MICAL3: variants seen among roughly 807,000 people sequenced by gnomAD.
The protein encoded by MICAL3 is microtubule associated monooxygenase, calponin and LIM domain containing 3, also known as [F-actin]-monooxygenase MICAL3.
MICAL3 carries 62 observed loss-of-function variants against 207.4 expected under a neutral mutation model. The ratio of observed to expected loss-of-function variants is 0.30; its 90% CI spans 0.24 to 0.37. The LOEUF (loss-of-function observed/expected upper bound fraction) is 0.37. MICAL3 is among the 10% of genes least tolerant of loss of function. The pLI is 1.00. For missense variants in MICAL3, 2,368 were observed against 2,635.6 expected, an observed-to-expected ratio of 0.90 and a Z score of 2.22; for synonymous variants, 1,077 against 1,069.3, an observed-to-expected ratio of 1.01 and a Z score of -0.14.
At chr22:17,985,135 T>C (rs1447866425) in intron 1 of MICAL3, among the ~76,000 whole-genome samples, 3 of 152,198 alleles carry the variant, frequency 2.0e-5, no homozygotes, top group Admixed American at 6.5e-5. Context: ...GCATGCAATA[T>C]TGCAGGAAAG....
chr22:17,797,670 T>C (rs113676043), intron 29 of MICAL3, among the ~76,000 whole-genome samples: 3 of 152,192 alleles, frequency 2.0e-5, no homozygotes, highest in African/African-American at 4.8e-5. Context: ...GGCTTCTACA[T>C]GGATGCTGAT....
rs78120593 is a variant in MICAL3, at chr22:17,928,703, C to A, written c.-74-21817G>T. Among the ~76,000 whole-genome samples the A allele has an allele frequency of 4.0e-3, 616 of 152,276 alleles. 3 individuals are homozygous for A. The highest frequency in any genetic ancestry group is 5.5e-3 in the Non-Finnish European group (374 of 68,014). ...ACCAGAACACTTAGATGTTTCATACCGTGGCTTTATATATTGTGTTACATG... is the reference window on the plus strand; with the variant it reads ...ACCAGAACACTTAGATGTTTCATACAGTGGCTTTATATATTGTGTTACATG... On this transcript the variant is annotated intron_variant, in intron 1 of 31. Transcript: ENST00000441493.
intron 1 of MICAL3, among the ~76,000 whole-genome samples, chr22:17,990,333 C>T (rs759870891): frequency 3.9e-5 from 6 of 151,944 alleles, no homozygotes; most frequent in Non-Finnish European, 8.8e-5. Context: ...TAGTCTGGAC[C>T]CAGCATGCTC....
chr22:17,970,471 C>G (rs1436334466), intron 1 of MICAL3, among the ~76,000 whole-genome samples: 1 of 152,216 alleles, frequency 6.6e-6, no homozygotes, highest in East Asian at 1.9e-4. Context: ...GATAACAGAA[C>G]TCTGCAGTCA....
At chr22:17,932,171 A>C (rs986901447) in intron 1 of MICAL3, among the ~76,000 whole-genome samples, 2 of 152,186 alleles carry the variant, frequency 1.3e-5, no homozygotes, top group African/African-American at 4.8e-5. Context: ...CAAGACACAT[A>C]ATTGGCAGAT....
chr22:18,001,930 G>T lies in MICAL3; in HGVS notation c.-75+22351C>A, dbSNP rs537174699. On this transcript the variant is annotated intron_variant, in intron 1 of 31. Coordinates refer to ENST00000441493, the MANE Select transcript of MICAL3 (RefSeq NM_015241.3). Reference sequence around the variant, plus strand: ...GGGGACTTGTTGGCCGGGCGCGGTGGCTAACGCCTGTAATCCCAACACTTT... The same window carrying T: ...GGGGACTTGTTGGCCGGGCGCGGTGTCTAACGCCTGTAATCCCAACACTTT... Among the ~76,000 whole-genome samples, 3 of 152,346 alleles carry T rather than the reference G, an allele frequency of 2.0e-5. No homozygotes were observed. The South Asian group carries it at 6.2e-4, about 32-fold the overall frequency.
rs750739956 is a variant in MICAL3 at position 17,816,698 on chromosome 22, G to A, written c.5437C>T (p.Arg1813Trp). 2.9e-5 allele frequency: 45 copies of A among 1,552,498 alleles called. No homozygotes were observed. The highest frequency in any genetic ancestry group is 4.9e-5 in the East Asian group (2 of 41,044). ...DVLEKSSQKS[R>W]REPRTYTEEE... ...CCTGCCTGACTACCCACCTCTCGCC[G>A]GGACTTCTGTGAGGACTTCTCAAGG... Residue 1813 changes from arginine (R) to tryptophan (W), a missense_variant, in exon 27 of 32, where the codon CGG (arginine) becomes TGG (tryptophan). Arg to Trp is a moderately radical substitution (Grantham distance 101). This residue lies in a region of MICAL3 where 1,770 missense variants were observed against 1,863.2 expected (regional missense o/e 0.95). Transcript: ENST00000441493.
intron 19 of MICAL3, chr22:17,861,774 T>C: frequency 1.3e-5 from 13 of 985,258 alleles, no homozygotes; most frequent in Non-Finnish European, 1.6e-5. Flanking sequence ...GATTTCTATA[T>C]TAAAAGCACA....
At chr22:17,846,266 A>G (rs994771141) in intron 19 of MICAL3, among the ~76,000 whole-genome samples, 1 of 152,154 alleles carries the variant, frequency 6.6e-6, no homozygotes, top group Non-Finnish European at 1.5e-5. Context: ...CTGGCAGGCC[A>G]TTGCCGGGGG....
chr22:17,860,023 C>CT, intron 19 of MICAL3: 1 of 205,122 alleles, frequency 4.9e-6, no homozygotes, highest in Non-Finnish European at 8.6e-6. Context: ...TGCACCTCTG[C>CT]TGTCTTGCTG....
intron 1 of MICAL3, among the ~76,000 whole-genome samples, chr22:17,988,998 C>G (rs749268356): frequency 6.6e-6 from 1 of 152,142 alleles, no homozygotes; most frequent in Non-Finnish European, 1.5e-5. Flanking sequence ...TTTACAGAAA[C>G]AAATTTGCTG....
At chr22:17,989,883 G>A (rs1038815601) in intron 1 of MICAL3, among the ~76,000 whole-genome samples, 5 of 152,088 alleles carry the variant, frequency 3.3e-5, no homozygotes, top group East Asian at 1.9e-4. Flanking sequence ...TTGTTTTCCC[G>A]AATCACACCA....
At chr22:17,871,168 A>C (rs1927688295) in intron 17 of MICAL3, among the ~76,000 whole-genome samples, 1 of 152,206 alleles carries the variant, frequency 6.6e-6, no homozygotes, top group South Asian at 2.1e-4. Context: ...GATGGCGGCC[A>C]GCCTGCCTCT....
chr22:17,944,803 A>G (rs1933979153), intron 1 of MICAL3, among the ~76,000 whole-genome samples: 1 of 152,152 alleles, frequency 6.6e-6, no homozygotes, highest in Non-Finnish European at 1.5e-5. Context: ...TCCAACAGCT[A>G]TCTGAGGGTG....
intron 20 of MICAL3, among the ~76,000 whole-genome samples, chr22:17,833,264 T>G (rs552152672): frequency 2.0e-5 from 3 of 152,154 alleles, no homozygotes; most frequent in African/African-American, 7.2e-5. Flanking sequence ...TCTGAGTGTT[T>G]CGTGGTCTGA....
At chr22:17,963,054 C>T (rs1364599152) in intron 1 of MICAL3, among the ~76,000 whole-genome samples, 1 of 152,086 alleles carries the variant, frequency 6.6e-6, no homozygotes, top group Non-Finnish European at 1.5e-5. Context: ...ACCTAGCCAG[C>T]GAGAAACACT....
chr22:18,003,226 G>A (rs558662001), intron 1 of MICAL3, among the ~76,000 whole-genome samples: 1 of 151,472 alleles, frequency 6.6e-6, no homozygotes, highest in Non-Finnish European at 1.5e-5. Context: ...TTCAGCGACA[G>A]TATCAACCCC....
intron 1 of MICAL3, chr22:18,006,582 T>C (rs1923399867): frequency 6.6e-6 from 1 of 152,158 alleles, no homozygotes; most frequent in African/African-American, 2.4e-5. Context: ...GCCTCTAATC[T>C]CAGCAGTTTG....
At chr22:17,910,351 A>C (rs12485153) in intron 1 of MICAL3, among the ~76,000 whole-genome samples, 3,775 of 152,304 alleles carry the variant, frequency 0.025, 68 homozygotes, top group Middle Eastern at 0.037. Flanking sequence ...AAGAGCTGCT[A>C]ACCGCCACAA....
Sources: allele counts gnomAD v4.1 joint callset (sites outside exome capture counted in the v4.1 genomes callset), GRCh38; gene constraint gnomAD v4.1.1; regional missense constraint gnomAD v4.1.1; transcripts MANE v1.5; gene names NCBI Gene and HGNC (gene_info 2026-07-23, HGNC 2026-07-21).